LAMA3: variants seen among roughly 807,000 people sequenced by gnomAD.
LAMA3 encodes laminin subunit alpha 3.
A neutral mutation model predicts 402.0 loss-of-function variants in LAMA3; 281 were observed. The ratio of observed to expected loss-of-function variants is 0.70; its 90% CI spans 0.63 to 0.77. The LOEUF (loss-of-function observed/expected upper bound fraction) is 0.77. LAMA3 is among the 30% of genes least tolerant of loss of function. The pLI is 0.00. For synonymous variants in LAMA3, 1,431 were observed against 1,558.4 expected (o/e 0.92, Z 1.93); for missense variants, 3,840 against 4,215.5 (o/e 0.91, Z 2.47).
intron 38 of LAMA3, chr18:23,872,991 A>C (rs530250417): frequency 6.2e-7 from 1 of 1,610,576 alleles, no homozygotes; most frequent in African/African-American, 1.3e-5. Flanking sequence ...AAGGGCAGGT[A>C]TAAGAGGAAG....
At chr18:23,737,484 G>A (rs987397572) in intron 2 of LAMA3, among the ~76,000 whole-genome samples, 41 of 152,214 alleles carry the variant, frequency 2.7e-4, no homozygotes, top group Non-Finnish European at 1.9e-4. Flanking sequence ...TATGAAAGAT[G>A]CCTGCTGGGG....
intron 25 of LAMA3, 109 bp from the exon 26 acceptor site, chr18:23,838,672 T>C: frequency 4.2e-6 from 3 of 717,872 alleles, no homozygotes; most frequent in Non-Finnish European, 7.7e-6. Flanking sequence ...TTAGAATTAT[T>C]ATGGATAAAT....
At chr18:23,943,752 A>T (rs781397604) in intron 68 of LAMA3, 36 bp from the exon 69 acceptor site, 10 of 1,600,904 alleles carry the variant, frequency 6.2e-6, no homozygotes, top group Admixed American at 1.7e-5. Flanking sequence ...AACGCTGAAC[A>T]CCTCTATTTC....
At chr18:23,730,480 G>A (rs1276134961) in intron 2 of LAMA3, among the ~76,000 whole-genome samples, 1 of 149,558 alleles carries the variant, frequency 6.7e-6, no homozygotes, top group Non-Finnish European at 1.5e-5. Flanking sequence ...CGATTCTCCT[G>A]ATTCAGCCTC....
intron 14 of LAMA3, among the ~76,000 whole-genome samples, chr18:23,813,382 C>A (rs956798659): frequency 6.6e-6 from 1 of 151,718 alleles, no homozygotes; most frequent in East Asian, 1.9e-4. Context: ...CTCTGTGGAG[C>A]CCTGCATGTA....
intron 12 of LAMA3, among the ~76,000 whole-genome samples, chr18:23,791,401 G>T (rs1032060798): frequency 6.6e-6 from 1 of 152,020 alleles, no homozygotes. Flanking sequence ...GGGATCTTTT[G>T]TGGGGGGAAA....
At chr18:23,741,743 C>A (rs2061566909) in intron 2 of LAMA3, among the ~76,000 whole-genome samples, 2 of 152,116 alleles carry the variant, frequency 1.3e-5, no homozygotes, top group Non-Finnish European at 2.9e-5. Flanking sequence ...TGATGGACAT[C>A]TTTTGAAGCA....
At chr18:23,937,737 A>G (rs1321664106) in intron 67 of LAMA3, among the ~76,000 whole-genome samples, 1 of 152,224 alleles carries the variant, frequency 6.6e-6, no homozygotes, top group Non-Finnish European at 1.5e-5. Flanking sequence ...TTTTAATCTC[A>G]GTAGGATCAA....
intron 10 of LAMA3, 145 bp downstream of exon 10, chr18:23,776,068 G>C: frequency 2.4e-6 from 2 of 827,512 alleles, no homozygotes; most frequent in Non-Finnish European, 4.1e-6. Flanking sequence ...AAGTGTTTCT[G>C]AAAGTTTGGA....
chr18:23,875,179 A>C (rs1183297245), intron 38 of LAMA3, among the ~76,000 whole-genome samples: 4 of 152,148 alleles, frequency 2.6e-5, no homozygotes, highest in African/African-American at 4.8e-5. Flanking sequence ...TGTGATTTGA[A>C]TCTGTGCACT....
At chr18:23,745,255 T>A in intron 2 of LAMA3, among the ~76,000 whole-genome samples, 1 of 152,090 alleles carries the variant, frequency 6.6e-6, no homozygotes, top group Admixed American at 6.5e-5. Flanking sequence ...GTGAAAAGCA[T>A]ATGAGTATTC....
chr18:23,743,273 G>C (rs1036799052), intron 2 of LAMA3, among the ~76,000 whole-genome samples: 2 of 152,224 alleles, frequency 1.3e-5, no homozygotes, highest in Non-Finnish European at 2.9e-5. Flanking sequence ...CACATAGCCA[G>C]TGGGTGACAG....
chr18:23,840,377 C>CTTTTTTTTTTTTTTTTTTTTTTTTTTT lies in LAMA3; in HGVS notation c.3336+451_3336+452insTTTTTTTTTTTTTTTTTTTTTTTTTTT, dbSNP rs201657216. Among the ~76,000 whole-genome samples the CTTTTTTTTTTTTTTTTTTTTTTTTTTT allele has an allele frequency of 3.8e-5, 3 of 79,514 alleles. 1 individual carries two copies. The highest frequency in any genetic ancestry group is 1.2e-4 in the African/African-American group (2 of 17,258). 52.2% of individuals were successfully genotyped at this position (79,514 alleles called of 152,430 possible). ...ATAGTTATTGTAGCCAAGAACCTTT[C>CTTTTTTTTTTTTTTTTTTTTTTTTTTT]TTTCTTTTTTTTTTTTTTTTTTTGA... On this transcript the variant is annotated intron_variant, in intron 27 of 74. Transcript: ENST00000313654.
At chr18:23,862,754 GGGGAT>G (rs1254959546) in intron 35 of LAMA3, among the ~76,000 whole-genome samples, 1 of 152,186 alleles carries the variant, frequency 6.6e-6, no homozygotes, top group Non-Finnish European at 1.5e-5. Context: ...GAATTCAGGA[GGGGAT>G]GGCCCAGAGT....
intron 40 of LAMA3, 47 bp from the exon 41 acceptor site, chr18:23,884,726 C>T: frequency 2.0e-6 from 3 of 1,476,200 alleles, no homozygotes; most frequent in Non-Finnish European, 2.8e-6. Context: ...AGCATAAATC[C>T]TATCGATCTG....
At chr18:23,884,050 GTGTGTGTGT>G (rs1568296277) in intron 40 of LAMA3, among the ~76,000 whole-genome samples, 1 of 1,838 alleles carries the variant, frequency 5.4e-4, no homozygotes, top group East Asian at 0.05. Context: ...TCTCTTTGGT[GTGTGTGTGT>G]GTGTGTGTGT....
At chr18:23,768,321 G>A (rs932356696) in intron 8 of LAMA3, among the ~76,000 whole-genome samples, 4 of 152,134 alleles carry the variant, frequency 2.6e-5, no homozygotes, top group African/African-American at 9.7e-5. Flanking sequence ...ATTAAAAAAT[G>A]GGCAAAAGAC....
Position 23,725,457 on chromosome 18 carries a change from T to A in LAMA3, c.447+11385T>A, listed in dbSNP as rs528717729. Among the ~76,000 whole-genome samples, 213 of 152,192 alleles carry A rather than the reference T, an allele frequency of 1.4e-3. 1 individual carries two copies. The highest frequency in any genetic ancestry group is 5.0e-3 in the African/African-American group (207 of 41,508). ...TGGTCACTGCCAGCCTTGAGGAGGG[T>A]GCCATGCTGTGTCCTTGGCAGAGTG... On this transcript the variant is annotated intron_variant, in intron 2 of 74. Coordinates refer to ENST00000313654, the MANE Select transcript of LAMA3 (RefSeq NM_198129.4).
intron 42 of LAMA3, among the ~76,000 whole-genome samples, chr18:23,890,528 A>G (rs1286938782): frequency 1.3e-5 from 2 of 152,166 alleles, no homozygotes; most frequent in African/African-American, 2.4e-5. Flanking sequence ...ACAGCAGTAC[A>G]TGTTCTGGGA....
Sources: gnomAD v4.1 joint callset for allele counts (sites outside exome capture counted in the v4.1 genomes callset) on GRCh38, gnomAD v4.1.1 for gene constraint, MANE v1.5 for transcripts, NCBI Gene and HGNC (gene_info 2026-07-23, HGNC 2026-07-21) for gene names.